VPS13A: variants seen among roughly 807,000 people sequenced by gnomAD.
VPS13A encodes the protein vacuolar protein sorting 13 homolog A, also known as intermembrane lipid transfer protein VPS13A.
In VPS13A, 264 loss-of-function variants were observed where a neutral mutation model predicts 390.9. That is an observed-to-expected ratio of 0.68 (90% confidence interval 0.61 to 0.75). The LOEUF (loss-of-function observed/expected upper bound fraction) is 0.75, where lower values mean the gene tolerates loss of function less well. VPS13A is among the 30% of genes least tolerant of loss of function. The pLI is 0.00. For synonymous variants in VPS13A, 1,231 were observed against 1,227.1 expected (o/e 1.00, Z -0.07); for missense variants, 3,409 against 3,733.9 (o/e 0.91, Z 2.27).
At chr9:77,210,509 G>A in intron 6 of VPS13A, 107 bp from the exon 7 acceptor site, 1 of 1,081,428 alleles carries the variant, frequency 9.2e-7, no homozygotes, top group Non-Finnish European at 1.4e-6. Flanking sequence ...CTTCCAGAGT[G>A]CTGGGATTAC....
chr9:77,237,290 G>A (rs1300743182), intron 17 of VPS13A, among the ~76,000 whole-genome samples: 1 of 152,072 alleles, frequency 6.6e-6, no homozygotes, highest in Non-Finnish European at 1.5e-5. Context: ...TGGTTTGCTG[G>A]GGAGAAGAGT....
intron 31 of VPS13A, among the ~76,000 whole-genome samples, chr9:77,291,390 G>C (rs1305675582): frequency 6.6e-6 from 1 of 152,138 alleles, no homozygotes; most frequent in Middle Eastern, 3.2e-3. Context: ...CAGATGCATA[G>C]CATAATAGAG....
intron 55 of VPS13A, among the ~76,000 whole-genome samples, chr9:77,357,271 A>G (rs933985680): frequency 7.3e-6 from 1 of 137,658 alleles, no homozygotes; most frequent in African/African-American, 2.7e-5. Context: ...GTGAACCAAG[A>G]TGGCCCCACT....
chr9:77,238,233 T>C (rs1480981474), intron 18 of VPS13A, 39 bp from the exon 19 acceptor site: 2 of 1,609,348 alleles, frequency 1.2e-6, no homozygotes, highest in East Asian at 2.2e-5. Context: ...TATAATTTAG[T>C]TTGCTTTGAG....
At chr9:77,196,657 A>G (rs898305811) in intron 1 of VPS13A, among the ~76,000 whole-genome samples, 6 of 150,982 alleles carry the variant, frequency 4.0e-5, no homozygotes, top group African/African-American at 1.5e-4. Context: ...AAAGGACAAG[A>G]TTATATTGTT....
chr9:77,344,280 AG>A lies in VPS13A; in HGVS notation c.7155+1del, dbSNP rs753100746. The A allele has an allele frequency of 1.2e-6, 2 of 1,613,088 alleles. No homozygotes were observed. Among genetic ancestry groups the A allele is most frequent in the African/African-American group, 1.3e-5 (1 of 74,858 alleles). Reference sequence around the variant, plus strand: ...TGTATTCTATTGCGTCTAGATAACGAGGTAAGTTTTTTTTTCTTTTTTGCAT... The same window carrying A: ...TGTATTCTATTGCGTCTAGATAACGAGTAAGTTTTTTTTTCTTTTTTGCAT... The part of the protein sequence containing the change: ...ENCILLRLDN[E>X]LGGIIAEVNL... On this transcript the variant is annotated frameshift_variant and splice_region_variant, in exon 51 of 72. Coordinates refer to ENST00000360280, the MANE Select transcript of VPS13A (RefSeq NM_033305.3). LOFTEE classifies it high-confidence loss of function.
intron 52 of VPS13A, among the ~76,000 whole-genome samples, chr9:77,349,611 A>C (rs954952517): frequency 1.2e-4 from 18 of 151,994 alleles, no homozygotes; most frequent in African/African-American, 4.3e-4. Flanking sequence ...CAACTTTTAT[A>C]ATTTTAGAAT....
intron 29 of VPS13A, 33 bp from the exon 30 acceptor site, chr9:77,283,319 TTCC>T (rs1226449357): frequency 8.0e-7 from 1 of 1,253,892 alleles, no homozygotes; most frequent in East Asian, 2.3e-5. Context: ...CTAAATGTTT[TTCC>T]TCATGTTTTA....
chr9:77,324,929 A>G lies in VPS13A; in HGVS notation c.5991+1702A>G, dbSNP rs574401723. Among the ~76,000 whole-genome samples the G allele has an allele frequency of 1.8e-3, 280 of 152,122 alleles. 2 individuals carry two copies. Among genetic ancestry groups the G allele is most frequent in the African/African-American group, 5.9e-3 (244 of 41,502 alleles). On this transcript the variant is annotated intron_variant, in intron 45 of 71. Transcript: ENST00000360280. ...CTTTTTGACACCAGGGACCTGTTTCATGGAAGACAATTTTTCCACGGGTGG... is the reference window on the plus strand; with the variant it reads ...CTTTTTGACACCAGGGACCTGTTTCGTGGAAGACAATTTTTCCACGGGTGG...
At chr9:77,245,963 G>C (rs1193609617) in intron 19 of VPS13A, among the ~76,000 whole-genome samples, 3 of 152,174 alleles carry the variant, frequency 2.0e-5, no homozygotes, top group Non-Finnish European at 4.4e-5. Flanking sequence ...CATGGCAAGA[G>C]AAAGGAAGGA....
chr9:77,329,094 G>C (rs950659645), intron 45 of VPS13A, among the ~76,000 whole-genome samples: 1 of 152,144 alleles, frequency 6.6e-6, no homozygotes, highest in African/African-American at 2.4e-5. Flanking sequence ...CCATGATCCA[G>C]TTACCTCCAC....
At chr9:77,263,107 C>CTTTT (rs34380259) in intron 23 of VPS13A, among the ~76,000 whole-genome samples, 1 of 139,358 alleles carries the variant, frequency 7.2e-6, no homozygotes, top group Non-Finnish European at 1.6e-5. Context: ...TGTTTCCCAA[C>CTTTT]TTTTTTTTTT....
intron 45 of VPS13A, among the ~76,000 whole-genome samples, chr9:77,324,914 C>T (rs942769270): frequency 6.6e-6 from 1 of 152,066 alleles, no homozygotes; most frequent in East Asian, 1.9e-4. Flanking sequence ...CTTTTTGACA[C>T]CAGGGACCTG....
intron 19 of VPS13A, among the ~76,000 whole-genome samples, chr9:77,243,875 A>T (rs1317966639): frequency 2.0e-5 from 3 of 152,172 alleles, no homozygotes; most frequent in African/African-American, 7.2e-5. Flanking sequence ...TTTGATAGGT[A>T]TGTTTAATGT....
At chr9:77,179,503 A>G (rs997752278) in intron 1 of VPS13A, among the ~76,000 whole-genome samples, 78 of 152,332 alleles carry the variant, frequency 5.1e-4, no homozygotes, top group African/African-American at 1.8e-3. Flanking sequence ...TGCTGGGATT[A>G]CAGGCGTGAG....
chr9:77,289,515 ATTG>A (rs1827525570), intron 31 of VPS13A, among the ~76,000 whole-genome samples: 1 of 151,958 alleles, frequency 6.6e-6, no homozygotes, highest in Admixed American at 6.6e-5. Context: ...ATAATATTTT[ATTG>A]TTGTACATAT....
At chr9:77,240,434 A>T (rs1824411544) in intron 19 of VPS13A, among the ~76,000 whole-genome samples, 1 of 149,822 alleles carries the variant, frequency 6.7e-6, no homozygotes. Context: ...CTCTTGTAAG[A>T]ATCTGCTGGT....
intron 16 of VPS13A, 147 bp from the exon 17 acceptor site, chr9:77,227,974 CT>C (rs1247247605): frequency 7.2e-6 from 4 of 554,680 alleles, no homozygotes; most frequent in Non-Finnish European, 8.5e-6. Context: ...AATATTGTCT[CT>C]TTTTTTGGGG....
In VPS13A at chr9:77,406,005, A is replaced by G. The variant is rs747129706; in HGVS notation, c.9399+18A>G. ...AAGCAAAGGTATGTTGAATAGATTT[A>G]TTTTTTGAAAACTTGGAACTGAAAA... On this transcript the variant is annotated intron_variant, in intron 70 of 71. Transcript: ENST00000360280. The G allele has an allele frequency of 6.2e-7, 1 of 1,612,858 alleles. No individual in the cohort carries two copies. The highest frequency in any genetic ancestry group is 1.7e-5 in the Admixed American group (1 of 60,010).
Sources: gnomAD v4.1 joint callset for allele counts (sites outside exome capture counted in the v4.1 genomes callset) on GRCh38, gnomAD v4.1.1 for gene constraint, MANE v1.5 for transcripts, NCBI Gene and HGNC (gene_info 2026-07-23, HGNC 2026-07-21) for gene names.